Variants in NAV2 observed in about 807,000 individuals in gnomAD.
NAV2 encodes helicase, APC down-regulated 1.
Under a neutral mutation model 223.2 loss-of-function variants are expected in NAV2, and 54 were observed. The ratio of observed to expected loss-of-function variants is 0.24; its 90% CI spans 0.19 to 0.30. NAV2 has a LOEUF of 0.30. Ranked by LOEUF, NAV2 falls within the 10% of genes least tolerant of loss-of-function variation. The pLI, the probability that NAV2 is intolerant of heterozygous loss-of-function variation, is 1.00. For synonymous variants in NAV2, 1,279 were observed against 1,239.3 expected (o/e 1.03, Z -0.67); for missense variants, 2,806 against 3,147.5 (o/e 0.89, Z 2.60).
chr11:20,068,469 C>A, intron 22 of NAV2, 71 bp downstream of exon 22: 1 of 1,122,518 alleles, frequency 8.9e-7, no homozygotes, highest in Non-Finnish European at 1.4e-6. Context: ...AGCCTCAAGT[C>A]CTCCTGTGCT....
At chr11:20,020,409 C>T (rs987943411) in intron 11 of NAV2, among the ~76,000 whole-genome samples, 13 of 152,250 alleles carry the variant, frequency 8.5e-5, no homozygotes, top group Non-Finnish European at 1.5e-5. Context: ...CAGAGCAATC[C>T]TGGCTCTTGA....
intron 1 of NAV2, among the ~76,000 whole-genome samples, chr11:19,783,244 G>A (rs746054115): frequency 6.6e-6 from 1 of 152,150 alleles, no homozygotes; most frequent in Non-Finnish European, 1.5e-5. Flanking sequence ...CTGATTTCTC[G>A]TTCCAACCTT....
At chr11:19,353,166 C>G (rs1056438915) in intron 1 of NAV2, among the ~76,000 whole-genome samples, 6 of 152,174 alleles carry the variant, frequency 3.9e-5, no homozygotes, top group Non-Finnish European at 5.9e-5. Flanking sequence ...ACCAAGCATT[C>G]ATTGGCACCA....
At chr11:19,827,322 C>T (rs552491762) in intron 1 of NAV2, among the ~76,000 whole-genome samples, 46 of 152,232 alleles carry the variant, frequency 3.0e-4, no homozygotes, top group East Asian at 5.8e-4. Context: ...CACAACTGCT[C>T]GGCTTTGCTT....
chr11:20,000,110 A>G (rs2052394195), intron 11 of NAV2, among the ~76,000 whole-genome samples: 1 of 152,192 alleles, frequency 6.6e-6, no homozygotes, highest in Admixed American at 6.5e-5. Context: ...CAATGAAAAA[A>G]AGGCAGAAGA....
chr11:20,108,829 A>G (rs1043553946), intron 36 of NAV2, among the ~76,000 whole-genome samples: 4 of 152,226 alleles, frequency 2.6e-5, no homozygotes, highest in Non-Finnish European at 5.9e-5. Flanking sequence ...AACTTGGGAT[A>G]GTTTTATTGT....
chr11:19,720,888 C>G (rs1856213148), intron 1 of NAV2, among the ~76,000 whole-genome samples: 1 of 152,228 alleles, frequency 6.6e-6, no homozygotes, highest in South Asian at 2.1e-4. Flanking sequence ...TCTTTCTGAG[C>G]TTCAGTAGCC....
chr11:19,539,851 CTG>C (rs370573680), intron 1 of NAV2, among the ~76,000 whole-genome samples: 17 of 152,318 alleles, frequency 1.1e-4, no homozygotes, highest in African/African-American at 3.8e-4. Context: ...AGAGGCCTCA[CTG>C]TGTTCAGCTG....
chr11:19,757,433 G>C (rs575545770), intron 1 of NAV2, among the ~76,000 whole-genome samples: 2 of 152,252 alleles, frequency 1.3e-5, no homozygotes, highest in East Asian at 1.9e-4. Context: ...AGCAACCCTG[G>C]GGTGGTGACA....
intron 1 of NAV2, among the ~76,000 whole-genome samples, chr11:19,645,805 T>C (rs552462009): frequency 7.3e-4 from 111 of 152,260 alleles, no homozygotes; most frequent in African/African-American, 2.5e-3. Flanking sequence ...TCCAACCTAA[T>C]AATTATCACC....
At chr11:19,984,364 G>A in intron 11 of NAV2, 117 bp downstream of exon 11, 2 of 1,498,066 alleles carry the variant, frequency 1.3e-6, no homozygotes, top group South Asian at 1.2e-5. Context: ...AGAGAGGGAG[G>A]GGAGGCCTGG....
intron 11 of NAV2, among the ~76,000 whole-genome samples, chr11:20,011,157 T>C (rs2053533839): frequency 6.6e-6 from 1 of 152,242 alleles, no homozygotes; most frequent in Admixed American, 6.5e-5. Flanking sequence ...GGTTTTGTAA[T>C]TACCTGGCCT....
At chr11:19,836,984 A>G (rs1260539879) in intron 2 of NAV2, among the ~76,000 whole-genome samples, 2 of 152,174 alleles carry the variant, frequency 1.3e-5, no homozygotes, top group African/African-American at 4.8e-5. Context: ...TGACCTAATT[A>G]TCTCCCAAAG....
At chr11:19,644,010 G>A (rs1159833435) in intron 1 of NAV2, among the ~76,000 whole-genome samples, 2 of 152,146 alleles carry the variant, frequency 1.3e-5, no homozygotes, top group East Asian at 1.9e-4. Context: ...AAGTATCTTG[G>A]GTTAGTAAGT....
rs1036225638 is a variant in NAV2, at chr11:20,082,674, A to C, written c.5326-333A>C. 4 of 1,405,890 alleles carry C rather than the reference A, an allele frequency of 2.8e-6. No individual in the cohort carries two copies. In the African/African-American group the frequency reaches 4.2e-5, roughly 15 times the overall value. The allele number at this position is 1,405,890 out of a possible 1,614,324, so 87.1% of individuals were successfully genotyped here. On this transcript the variant is annotated intron_variant, in intron 25 of 37. Coordinates refer to ENST00000349880, the MANE Select transcript of NAV2 (RefSeq NM_145117.5). ...GATATGACTAACCTCATCCGCATCC[A>C]TCACCGTGTCTGAGCATCCTGCTTT...
intron 11 of NAV2, among the ~76,000 whole-genome samples, chr11:20,011,431 T>A (rs2053556244): frequency 6.6e-6 from 1 of 152,260 alleles, no homozygotes; most frequent in Non-Finnish European, 1.5e-5. Context: ...GACATTTTGT[T>A]TTTTGAAAGA....
chr11:19,978,105 G>A (rs7122847), intron 10 of NAV2, among the ~76,000 whole-genome samples: 2,760 of 151,882 alleles, frequency 0.018, 90 homozygotes, highest in African/African-American at 0.063. Flanking sequence ...GACTACAGGC[G>A]TGAGCCACCA....
chr11:19,834,868 A>ACAG (rs1373100137), intron 2 of NAV2, among the ~76,000 whole-genome samples: 4 of 152,226 alleles, frequency 2.6e-5, no homozygotes, highest in Non-Finnish European at 5.9e-5. Flanking sequence ...ATCTGATCTT[A>ACAG]CAGCAGTCTT....
chr11:19,728,215 C>T (rs898402696), intron 1 of NAV2, among the ~76,000 whole-genome samples: 1 of 152,188 alleles, frequency 6.6e-6, no homozygotes, highest in Non-Finnish European at 1.5e-5. Flanking sequence ...TATGGTGAGC[C>T]TGAAAGAGCA....
Sources: allele counts gnomAD v4.1 joint callset (sites outside exome capture counted in the v4.1 genomes callset), GRCh38; gene constraint gnomAD v4.1.1; transcripts MANE v1.5; gene names NCBI Gene and HGNC (gene_info 2026-07-23, HGNC 2026-07-21).